AHDC1: variants seen among roughly 807,000 people sequenced by gnomAD.
AHDC1 encodes the protein transcription factor Gibbin.
A neutral mutation model predicts 87.9 loss-of-function variants in AHDC1; 7 were observed. That is an observed-to-expected ratio of 0.08 (90% CI 0.05 to 0.15). The LOEUF (loss-of-function observed/expected upper bound fraction) is 0.15. Among genes scored for constraint, AHDC1 ranks in the 10% least tolerant of loss-of-function variants. AHDC1 has a pLI of 1.00. For missense variants in AHDC1, 1,841 were observed against 2,253.2 expected, an observed-to-expected ratio of 0.82 and a Z score of 3.70; for synonymous variants, 1,051 against 1,006.8, an observed-to-expected ratio of 1.04 and a Z score of -0.83.
intron 8 of AHDC1, among the ~76,000 whole-genome samples, chr1:27,541,041 A>G (rs1388884486): frequency 6.7e-6 from 1 of 148,424 alleles, no homozygotes; most frequent in African/African-American, 2.5e-5. Flanking sequence ...AACAAAACCC[A>G]AGCACTTTGG....
intron 3 of AHDC1, among the ~76,000 whole-genome samples, chr1:27,570,075 C>A (rs545319416): frequency 2.5e-4 from 38 of 152,070 alleles, no homozygotes; most frequent in Non-Finnish European, 4.4e-4. Context: ...CCTCATCTTT[C>A]CATTCCTGGG....
Position 27,584,840 on chromosome 1 carries a change from C to T in AHDC1, c.-629+18557G>A, listed in dbSNP as rs578134418. 9.9e-5 allele frequency among the ~76,000 whole-genome samples: 15 copies of T among 152,226 alleles called. No individual in the cohort carries two copies. The East Asian group carries it at 2.7e-3, about 27-fold the overall frequency. On this transcript the variant is annotated intron_variant, in intron 3 of 8. Coordinates refer to ENST00000673934, the MANE Select transcript of AHDC1 (RefSeq NM_001371928.1). ...GGCTCCCCAGAGATGCCTTATCCCC[C>T]AGGAATTCAGGGCTCCCATCTCCTA... is the stretch of plus-strand genomic sequence containing the variant.
chr1:27,547,983 T>G lies in AHDC1; in HGVS notation c.4133A>C (p.Lys1378Thr), dbSNP rs1571227175. The stretch of plus-strand genomic sequence containing the variant: ...TGGGTGGGCCAGCGGTGGGAAATGC[T>G]TGCCATCAAGCTCGGGAGCACCCAG... The part of the protein sequence containing the change: ...PSLGAPELDG[K>T]HFPPLAHPPT... Residue 1378 changes from lysine to threonine, a missense_variant, in exon 8 of 9, where the codon AAG (lysine) becomes ACG (threonine). Lys to Thr is a moderately conservative substitution (Grantham distance 78, BLOSUM62 -1). Around this residue, in one of 13 missense-constraint regions of AHDC1, gnomAD observed 505 missense variants for 626.2 expected, o/e 0.81. Coordinates refer to ENST00000673934, the MANE Select transcript of AHDC1 (RefSeq NM_001371928.1). This position sits in a 1 kb window ranked among gnomAD's most constrained non-coding sequence, Gnocchi z 4.9. The G allele has an allele frequency of 1.9e-6, 3 of 1,605,044 alleles. No homozygotes were observed. In the East Asian group the frequency reaches 6.7e-5, roughly 36 times the overall value.
intron 8 of AHDC1, among the ~76,000 whole-genome samples, chr1:27,545,164 T>C (rs2019108202): frequency 6.6e-6 from 1 of 151,702 alleles, no homozygotes; most frequent in Admixed American, 6.6e-5. Context: ...TTTTCTCTTG[T>C]ACAGTGCTTC....
chr1:27,573,251 T>G (rs1224304990), intron 3 of AHDC1, among the ~76,000 whole-genome samples: 1 of 152,088 alleles, frequency 6.6e-6, no homozygotes, highest in Non-Finnish European at 1.5e-5. Context: ...AGAAGGTGCC[T>G]TAGGGAGCCA....
chr1:27,579,042 ATC>A (rs1293501159), intron 3 of AHDC1, among the ~76,000 whole-genome samples: 1 of 143,426 alleles, frequency 7.0e-6, no homozygotes, highest in African/African-American at 2.8e-5. Context: ...CCTGTTCTAA[ATC>A]TTTTTTTTTT....
At chr1:27,596,426 G>A (rs2089372703) in intron 3 of AHDC1, among the ~76,000 whole-genome samples, 1 of 152,130 alleles carries the variant, frequency 6.6e-6, no homozygotes, top group African/African-American at 2.4e-5. Flanking sequence ...ACTGACGCCA[G>A]AAGAGAGGAA....
intron 3 of AHDC1, among the ~76,000 whole-genome samples, chr1:27,580,111 T>C (rs960909049): frequency 6.6e-6 from 1 of 152,182 alleles, no homozygotes; most frequent in African/African-American, 2.4e-5. Context: ...TGGGCCCTTC[T>C]TGATGGCCTT....
chr1:27,548,409 C>T lies in AHDC1; in HGVS notation c.3707G>A (p.Arg1236Gln), dbSNP rs2019313171. The T allele has an allele frequency of 4.3e-6, 7 of 1,610,078 alleles. No individual in the cohort carries two copies. Among genetic ancestry groups the T allele is most frequent in the Non-Finnish European group, 5.9e-6 (7 of 1,177,092 alleles). Residue 1236 changes from arginine to glutamine, a missense_variant, in exon 8 of 9, where the codon CGG becomes CAG. Physicochemically the swap from Arg to Gln is conservative, Grantham distance 43. Coordinates refer to ENST00000673934, the MANE Select transcript of AHDC1 (RefSeq NM_001371928.1). ...GGCCTCGAACAGGTCCACCTTCTTC[C>T]GCCGTCCACGGCCCGGCTTGGAGCT... ...QSSSKPGRGR[R>Q]KKVDLFEASH...
At position 27,550,359 on chromosome 1, in the gene AHDC1, T is replaced by C. The variant is rs755305285; in HGVS notation, c.1757A>G (p.Lys586Arg). The change falls in exon 8 of 9, where the codon AAA becomes AGA. Residue 586 changes from lysine to arginine, a missense_variant. Lys to Arg is a conservative substitution (Grantham distance 26). Coordinates refer to ENST00000673934, the MANE Select transcript of AHDC1 (RefSeq NM_001371928.1). ...CAGCTTCTGCTTCCGCCGCCGTCGT[T>C]TTTTTACCTCTGGCATGGCCATGGT... is the stretch of plus-strand genomic sequence containing the variant. ...AATMAMPEVK[K>R]RRRRKQKLAS... 22 of 1,613,808 alleles carry C rather than the reference T, an allele frequency of 1.4e-5. 1 individual carries two copies. The South Asian group carries it at 2.4e-4, about 18-fold the overall frequency.
At position 27,599,179 on chromosome 1, in the gene AHDC1, ACAGGGCCAGGGC is replaced by A. The variant is rs141660002; in HGVS notation, c.-629+4206_-629+4217del. Among the ~76,000 whole-genome samples, 1,496 of 152,048 alleles carry A rather than the reference ACAGGGCCAGGGC, an allele frequency of 9.8e-3. 15 individuals are homozygous for A. Among genetic ancestry groups the A allele is most frequent in the African/African-American group, 0.023 (946 of 41,456 alleles). On this transcript the variant is annotated intron_variant, in intron 3 of 8. Coordinates refer to ENST00000673934, the MANE Select transcript of AHDC1 (RefSeq NM_001371928.1). The stretch of plus-strand genomic sequence containing the variant: ...GCTACACCCTCCACACAGCCCTACC[ACAGGGCCAGGGC>A]CAGGGCCAGGGCCAGGGGCTGGCTC...
intron 3 of AHDC1, among the ~76,000 whole-genome samples, chr1:27,594,741 T>C (rs1326243479): frequency 6.6e-6 from 1 of 152,072 alleles, no homozygotes; most frequent in African/African-American, 2.4e-5. Context: ...AGGCTGAGGC[T>C]GTCTAGGGGA....
In AHDC1 at chr1:27,551,282, G is replaced by A. The variant is rs745875692; in HGVS notation, c.834C>T (p.Pro278=). Residue 278 remains proline, a synonymous_variant, in exon 8 of 9, where the codon CCC becomes CCT. Transcript: ENST00000673934. ...CCTGCGGGTCCAGGAAGCGGGGCTGGGGGTCCAGGAGCTGAGGCTCCGGCT... is the reference window on the plus strand; with the variant it reads ...CCTGCGGGTCCAGGAAGCGGGGCTGAGGGTCCAGGAGCTGAGGCTCCGGCT... ...SPEPEPQLLD[P]QPRFLDPQAL... 1.2e-6 allele frequency: 2 copies of A among 1,610,880 alleles called. No homozygotes were observed.
Position 27,553,107 on chromosome 1 carries a change from C to A in AHDC1, c.-146G>T. ...GAGAGGGCCCCCGTGCCTGGGGGCT[C>A]TGCCAGTCGCTGGCTGTCAGCTGGG... On this transcript the variant is annotated 5_prime_UTR_variant, in exon 6 of 9. Transcript: ENST00000673934. The A allele has an allele frequency of 6.5e-6, 1 of 152,854 alleles. No individual in the cohort carries two copies. 9.5% of individuals were successfully genotyped at this position (152,854 alleles called of 1,614,324 possible). A position where few individuals can be genotyped will look rare whatever the true frequency, so the allele number is the denominator to read the frequency against.
chr1:27,559,333 G>A (rs944674530), intron 3 of AHDC1, among the ~76,000 whole-genome samples: 51 of 152,184 alleles, frequency 3.4e-4, no homozygotes, highest in Non-Finnish European at 4.9e-4. Flanking sequence ...TGGGATTGCA[G>A]GTATGAGCCA....
chr1:27,556,147 C>T lies in AHDC1; in HGVS notation c.-225+2158G>A, dbSNP rs375949854. 6.6e-5 allele frequency among the ~76,000 whole-genome samples: 10 copies of T among 152,050 alleles called. 1 individual carries two copies. The highest frequency in any genetic ancestry group is 5.8e-4 in the East Asian group (3 of 5,180). Reference sequence around the variant, plus strand: ...ACCTGCTGTGCACAGTGCCGGGAAGCGCCAGCCCACATCCTTGAGTCCCCA... The same window carrying T: ...ACCTGCTGTGCACAGTGCCGGGAAGTGCCAGCCCACATCCTTGAGTCCCCA... On this transcript the variant is annotated intron_variant, in intron 5 of 8. Coordinates refer to ENST00000673934, the MANE Select transcript of AHDC1 (RefSeq NM_001371928.1).
chr1:27,539,425 C>A (rs112367074), intron 8 of AHDC1, among the ~76,000 whole-genome samples: 109 of 151,934 alleles, frequency 7.2e-4, no homozygotes, highest in African/African-American at 2.5e-3. Context: ...CGTGGTGAGC[C>A]ACCATGCCAG....
In AHDC1 at chr1:27,549,568, A is replaced by T; in HGVS notation, c.2548T>A (p.Ser850Thr). Residue 850 changes from serine to threonine, a missense_variant, in exon 8 of 9, where the codon TCC becomes ACC. Transcript: ENST00000673934. The part of the protein sequence containing the change: ...FRSLLDSDDS[S>T]DLLDFALSAS... Reference sequence around the variant, plus strand: ...GAGAGGGCAAAGTCCAAGAGATCGGAGGAGTCATCCGAATCGAGCAGCGAG... The same window carrying T: ...GAGAGGGCAAAGTCCAAGAGATCGGTGGAGTCATCCGAATCGAGCAGCGAG... The T allele has an allele frequency of 1.2e-6, 2 of 1,613,200 alleles. No homozygotes were observed. Among genetic ancestry groups the T allele is most frequent in the Non-Finnish European group, 1.7e-6 (2 of 1,179,998 alleles).
chr1:27,558,938 C>T lies in AHDC1; in HGVS notation c.-628-55G>A. ...TAAGCATGGACACAGGGTAAGCCAGCCAGACAGCAGGGTGCAGGCGGACAC... is the reference window on the plus strand; with the variant it reads ...TAAGCATGGACACAGGGTAAGCCAGTCAGACAGCAGGGTGCAGGCGGACAC... On this transcript the variant is annotated intron_variant, in intron 3 of 8. Transcript: ENST00000673934. This position sits in a 1 kb window ranked among gnomAD's most constrained non-coding sequence, Gnocchi z 5.6. 1 of 398,638 alleles carries T rather than the reference C, an allele frequency of 2.5e-6. No individual in the cohort carries two copies. The highest frequency in any genetic ancestry group is 4.4e-6 in the Non-Finnish European group (1 of 226,072). The allele number at this position is 398,638 out of a possible 1,614,324, so 24.7% of individuals were successfully genotyped here.
Sources: gnomAD v4.1 joint callset for allele counts (sites outside exome capture counted in the v4.1 genomes callset) on GRCh38, gnomAD v4.1.1 for gene constraint, gnomAD v4.1.1 regional missense constraint, Gnocchi (gnomAD v3.1) non-coding constraint, MANE v1.5 for transcripts, NCBI Gene and HGNC (gene_info 2026-07-23, HGNC 2026-07-21) for gene names.